ZNF445: variants seen among roughly 807,000 people sequenced by gnomAD.
The protein encoded by ZNF445 is zinc finger protein 168.
Under a neutral mutation model 93.9 loss-of-function variants are expected in ZNF445, and 19 were observed. That is an observed-to-expected ratio of 0.20 (90% confidence interval 0.14 to 0.30). The LOEUF (loss-of-function observed/expected upper bound fraction) is 0.30, where lower values mean the gene tolerates loss of function less well. Among genes scored for constraint, ZNF445 ranks in the 10% least tolerant of loss-of-function variants. The pLI, the probability that ZNF445 is intolerant of heterozygous loss-of-function variation, is 1.00. For synonymous variants in ZNF445, 449 were observed against 446.3 expected, an observed-to-expected ratio of 1.01 and a Z score of -0.08; for missense variants, 1,058 against 1,259.4, an observed-to-expected ratio of 0.84 and a Z score of 2.42.
In ZNF445 at chr3:44,433,685, G is replaced by A. The variant is rs1697610627; in HGVS notation, c.*12890C>T. The A allele has an allele frequency of 6.6e-6, 1 of 152,200 alleles. No homozygotes were observed. The highest frequency in any genetic ancestry group is 1.5e-5 in the Non-Finnish European group (1 of 68,080). 9.4% of individuals were successfully genotyped at this position (152,200 alleles called of 1,614,324 possible). On this transcript the variant is annotated 3_prime_UTR_variant, in exon 8 of 8. Coordinates refer to ENST00000396077, the MANE Select transcript of ZNF445 (RefSeq NM_181489.6). The stretch of plus-strand genomic sequence containing the variant: ...TGCAGAGAGAGAGTGGGAAAGTGGA[G>A]AACCATCAGCTCACTTTCCCTCACG...
rs1037277566 is a variant in ZNF445 at position 44,433,075 on chromosome 3, C to T, written c.*13500G>A. On this transcript the variant is annotated 3_prime_UTR_variant, in exon 8 of 8. Coordinates refer to ENST00000396077, the MANE Select transcript of ZNF445 (RefSeq NM_181489.6). ...ACTGAAGTACCACAGGAAGGAGATA[C>T]TCTCCATCTCTCACCACCCAAAGCT... 2.6e-5 allele frequency: 4 copies of T among 152,030 alleles called. No individual in the cohort carries two copies. The highest frequency in any genetic ancestry group is 7.2e-5 in the African/African-American group (3 of 41,392). 9.4% of individuals were successfully genotyped at this position (152,030 alleles called of 1,614,324 possible).
In ZNF445 at chr3:44,434,037, T is replaced by C. The variant is rs557883342; in HGVS notation, c.*12538A>G. 1.4e-4 allele frequency: 21 copies of C among 152,200 alleles called. No homozygotes were observed. The highest frequency in any genetic ancestry group is 5.1e-4 in the African/African-American group (21 of 41,524). 9.4% of individuals were successfully genotyped at this position (152,200 alleles called of 1,614,324 possible). On this transcript the variant is annotated 3_prime_UTR_variant, in exon 8 of 8. Transcript: ENST00000396077. The stretch of plus-strand genomic sequence containing the variant: ...TTTGGCATTTCCCCAAAATGTTAAA[T>C]GTGGAATTATGTGATTCAGAAAATC...
intron 1 of ZNF445, among the ~76,000 whole-genome samples, chr3:44,459,375 A>G (rs1698076090): frequency 6.6e-6 from 1 of 152,250 alleles, no homozygotes; most frequent in Non-Finnish European, 1.5e-5. Flanking sequence ...AAAGATAAAC[A>G]TAAGACATAA....
rs1376752495 is a variant in ZNF445, at chr3:44,432,306, TGTGG to T, written c.*14265_*14268del. 1 of 151,862 alleles carries T rather than the reference TGTGG, an allele frequency of 6.6e-6. No individual in the cohort carries two copies. Among genetic ancestry groups the T allele is most frequent in the Non-Finnish European group, 1.5e-5 (1 of 68,524 alleles). The allele number at this position is 151,862 out of a possible 1,614,324, so 9.4% of individuals were successfully genotyped here. ...GTGTGTGTGTGTGTGTGTGTGTGTG[TGTGG>T]ATGGAGATAGAGAGAGAGGGATTTA... On this transcript the variant is annotated 3_prime_UTR_variant, in exon 8 of 8. Coordinates refer to ENST00000396077, the MANE Select transcript of ZNF445 (RefSeq NM_181489.6).
chr3:44,447,495 C>A lies in ZNF445; in HGVS notation c.2176G>T (p.Val726Phe). 6.2e-7 allele frequency: 1 copy of A among 1,614,162 alleles called. No homozygotes were observed. The change falls in exon 8 of 8, where the codon GTT becomes TTT. Residue 726 changes from valine (V) to phenylalanine (F), a missense_variant. By Grantham distance (50) the Val-to-Phe change is conservative (BLOSUM62 -1). Around this residue, in one of 3 missense-constraint regions of ZNF445, gnomAD observed 387 missense variants for 475.7 expected, o/e 0.81. Transcript: ENST00000396077. The surrounding 1 kb of genome is among the most constrained non-coding windows in gnomAD (Gnocchi z 4.7). ...TTCATGGCATGCTTCTTCTTATGAA[C>A]AATAAAGGCTGACCTATAGGCAAAG... is the stretch of plus-strand genomic sequence containing the variant. ...KDFAYRSAFI[V>F]HKKKHAMKRK...
chr3:44,434,299 G>GT lies in ZNF445; in HGVS notation c.*12275dup, dbSNP rs1282959350. ...CCGGGCGTGGTGGCGCACACCTGTA[G>GT]TCCCAACAGGCTGAGGAAGCAGCTT... On this transcript the variant is annotated 3_prime_UTR_variant, in exon 8 of 8. Coordinates refer to ENST00000396077, the MANE Select transcript of ZNF445 (RefSeq NM_181489.6). 1 of 150,668 alleles carries GT rather than the reference G, an allele frequency of 6.6e-6. No homozygotes were observed. Among genetic ancestry groups the GT allele is most frequent in the African/African-American group, 2.4e-5 (1 of 40,886 alleles). 9.3% of individuals were successfully genotyped at this position (150,668 alleles called of 1,614,324 possible).
At position 44,435,552 on chromosome 3, in the gene ZNF445, T is replaced by G. The variant is rs925050925; in HGVS notation, c.*11023A>C. 2 of 152,214 alleles carry G rather than the reference T, an allele frequency of 1.3e-5. No homozygotes were observed. The highest frequency in any genetic ancestry group is 2.9e-5 in the Non-Finnish European group (2 of 68,036). The allele number at this position is 152,214 out of a possible 1,614,324, so 9.4% of individuals were successfully genotyped here. On this transcript the variant is annotated 3_prime_UTR_variant, in exon 8 of 8. Coordinates refer to ENST00000396077, the MANE Select transcript of ZNF445 (RefSeq NM_181489.6). ...AGCTAAGTGGAGATGTGTTCCCGTC[T>G]TTGATGGTGGCACTAATCTCAACAA...
chr3:44,450,856 T>C lies in ZNF445; in HGVS notation c.693+12A>G. The C allele has an allele frequency of 6.4e-7, 1 of 1,551,778 alleles. No individual in the cohort carries two copies. Among genetic ancestry groups the C allele is most frequent in the Non-Finnish European group, 8.7e-7 (1 of 1,151,000 alleles). On this transcript the variant is annotated intron_variant, in intron 5 of 7. Coordinates refer to ENST00000396077, the MANE Select transcript of ZNF445 (RefSeq NM_181489.6). ...GGGGACATCAGGAAGGACCAAATGTTCTGTGGCTCACCTGGAGCTGGGCTG... is the reference window on the plus strand; with the variant it reads ...GGGGACATCAGGAAGGACCAAATGTCCTGTGGCTCACCTGGAGCTGGGCTG...
At chr3:44,470,503 T>A (rs145787859) in intron 1 of ZNF445, among the ~76,000 whole-genome samples, 1,927 of 152,216 alleles carry the variant, frequency 0.013, 22 homozygotes, top group African/African-American at 0.024. Context: ...AACTTTATAT[T>A]TTTTTTGTCT....
Position 44,446,883 on chromosome 3 carries a change from C to A in ZNF445, c.2788G>T (p.Ala930Ser). ...RAAQAERSPPARSSSQDTKLR... is the reference protein window; with the variant it reads ...RAAQAERSPPSRSSSQDTKLR... ...TTTGTGTCCTGAGAGGAAGACCGTGCAGGCGGGCTACGTTCAGCCTGTGCT... is the reference window on the plus strand; with the variant it reads ...TTTGTGTCCTGAGAGGAAGACCGTGAAGGCGGGCTACGTTCAGCCTGTGCT... Residue 930 changes from alanine (A) to serine (S), a missense_variant, in exon 8 of 8, where the codon GCA becomes TCA. Around this residue, in one of 3 missense-constraint regions of ZNF445, gnomAD observed 387 missense variants for 475.7 expected, o/e 0.81. Transcript: ENST00000396077. The surrounding 1 kb of genome is among the most constrained non-coding windows in gnomAD (Gnocchi z 4.2). 1.2e-6 allele frequency: 2 copies of A among 1,614,200 alleles called. No individual in the cohort carries two copies. The highest frequency in any genetic ancestry group is 1.7e-6 in the Non-Finnish European group (2 of 1,180,044).
At position 44,455,543 on chromosome 3, in the gene ZNF445, G is replaced by T. The variant is rs369958027; in HGVS notation, c.7C>A (p.Pro3Thr). MP[P>T]GRWHAAYPAQ... ...GGATAGGCAGCATGCCACCTGCCTG[G>T]AGGCATCACTCCTGTTCAGGGACTA... Residue 3 changes from proline to threonine, a missense_variant, in exon 3 of 8, where the codon CCA (proline) becomes ACA (threonine). By Grantham distance (38) the Pro-to-Thr change is conservative (BLOSUM62 -1). Coordinates refer to ENST00000396077, the MANE Select transcript of ZNF445 (RefSeq NM_181489.6). The T allele has an allele frequency of 1.1e-5, 18 of 1,595,472 alleles. No individual in the cohort carries two copies. Among genetic ancestry groups the T allele is most frequent in the Non-Finnish European group, 1.4e-5 (16 of 1,171,094 alleles).
chr3:44,465,466 C>A (rs774295888), intron 1 of ZNF445, among the ~76,000 whole-genome samples: 32 of 152,142 alleles, frequency 2.1e-4, no homozygotes, highest in Non-Finnish European at 4.1e-4. Flanking sequence ...GATGTGGGGC[C>A]AAAATCTGGG....
At position 44,436,541 on chromosome 3, in the gene ZNF445, T is replaced by G. The variant is rs1479894058; in HGVS notation, c.*10034A>C. The G allele has an allele frequency of 6.6e-6, 1 of 152,226 alleles. No homozygotes were observed. Among genetic ancestry groups the G allele is most frequent in the East Asian group, 1.9e-4 (1 of 5,200 alleles). The allele number at this position is 152,226 out of a possible 1,614,324, so 9.4% of individuals were successfully genotyped here. A position where few individuals can be genotyped will look rare whatever the true frequency, so the allele number is the denominator to read the frequency against. On this transcript the variant is annotated 3_prime_UTR_variant, in exon 8 of 8. Coordinates refer to ENST00000396077, the MANE Select transcript of ZNF445 (RefSeq NM_181489.6). ...GAGCAGGTATTTACATGATAAATAC[T>G]CAAGCATTTTTATCTCCTTAAGCAT... is the stretch of plus-strand genomic sequence containing the variant.
In ZNF445 at chr3:44,448,751, T is replaced by C. The variant is rs557121028; in HGVS notation, c.932-12A>G. On this transcript the variant is annotated splice_polypyrimidine_tract_variant and intron_variant, in intron 7 of 7. Coordinates refer to ENST00000396077, the MANE Select transcript of ZNF445 (RefSeq NM_181489.6). ...CTGGAGGTCATCTCCTGACAAAAAA[T>C]ATAACACAAGAGAATGTACTCTTTT... The C allele has an allele frequency of 4.1e-5, 65 of 1,602,448 alleles. No homozygotes were observed. The South Asian group carries it at 5.8e-4, about 14-fold the overall frequency.
At chr3:44,459,563 T>C (rs1027653045) in intron 1 of ZNF445, among the ~76,000 whole-genome samples, 2 of 152,212 alleles carry the variant, frequency 1.3e-5, no homozygotes, top group Admixed American at 6.5e-5. Context: ...CCAAGATAAC[T>C]TTTTAGCGGT....
intron 1 of ZNF445, 133 bp downstream of exon 1, chr3:44,477,458 C>G (rs1434295911): frequency 6.6e-6 from 1 of 152,062 alleles, no homozygotes; most frequent in Non-Finnish European, 1.5e-5. Context: ...ACCGCCAGAC[C>G]CCCGCCACGG....
Position 44,435,717 on chromosome 3 carries a change from G to A in ZNF445, c.*10858C>T, listed in dbSNP as rs1697664048. ...CTAGTGTGGGATTCTGCCCATTGTT[G>A]ACTATGTCTATTCTAATTACGCATT... On this transcript the variant is annotated 3_prime_UTR_variant, in exon 8 of 8. Coordinates refer to ENST00000396077, the MANE Select transcript of ZNF445 (RefSeq NM_181489.6). 6.6e-6 allele frequency: 1 copy of A among 152,092 alleles called. No homozygotes were observed. Among genetic ancestry groups the A allele is most frequent in the African/African-American group, 2.4e-5 (1 of 41,422 alleles). 9.4% of individuals were successfully genotyped at this position (152,092 alleles called of 1,614,324 possible).
rs1390527215 is a variant in ZNF445 at position 44,434,723 on chromosome 3, C to G, written c.*11852G>C. The G allele has an allele frequency of 6.6e-6, 1 of 152,160 alleles. No individual in the cohort carries two copies. Among genetic ancestry groups the G allele is most frequent in the African/African-American group, 2.4e-5 (1 of 41,432 alleles). 9.4% of individuals were successfully genotyped at this position (152,160 alleles called of 1,614,324 possible). ...CAAACTGTTCCTGATGGTCTTTACT[C>G]ACAGGTATAGAGAAACATTCACCAG... On this transcript the variant is annotated 3_prime_UTR_variant, in exon 8 of 8. Coordinates refer to ENST00000396077, the MANE Select transcript of ZNF445 (RefSeq NM_181489.6).
Position 44,456,144 on chromosome 3 carries a change from G to C in ZNF445, c.-147-448C>G, listed in dbSNP as rs9828536. 9.1e-3 allele frequency among the ~76,000 whole-genome samples: 1,380 copies of C among 152,278 alleles called. 20 individuals are homozygous for C. The highest frequency in any genetic ancestry group is 0.032 in the African/African-American group (1,324 of 41,562). On this transcript the variant is annotated intron_variant, in intron 2 of 7. Transcript: ENST00000396077. The stretch of plus-strand genomic sequence containing the variant: ...GCTAAAATTATGACAGGTCAGGCAT[G>C]GTGGCTCACACCTGTAATCCTAGCA...
Sources: gnomAD v4.1 joint callset for allele counts (sites outside exome capture counted in the v4.1 genomes callset) on GRCh38, gnomAD v4.1.1 for gene constraint, gnomAD v4.1.1 regional missense constraint, Gnocchi (gnomAD v3.1) non-coding constraint, MANE v1.5 for transcripts, NCBI Gene and HGNC (gene_info 2026-07-23, HGNC 2026-07-21) for gene names.